ARHGEF3: variants seen among roughly 807,000 people sequenced by gnomAD.
ARHGEF3 encodes the protein 59.8 kDA protein.
A neutral mutation model predicts 63.2 loss-of-function variants in ARHGEF3; 28 were observed. The ratio of observed to expected loss-of-function variants is 0.44; its 90% CI spans 0.33 to 0.61. ARHGEF3 has a LOEUF of 0.61. Among genes scored for constraint, ARHGEF3 ranks in the 20% least tolerant of loss-of-function variants. The probability of loss-of-function intolerance (pLI) is 0.03; values close to 1 mark genes in which losing one functional copy is unlikely to be tolerated. For missense variants in ARHGEF3, 533 were observed against 659.3 expected (o/e 0.81, Z 2.10); for synonymous variants, 266 against 254.2 (o/e 1.05, Z -0.44).
intron 4 of ARHGEF3, among the ~76,000 whole-genome samples, chr3:56,837,179 T>C (rs1361671594): frequency 6.6e-6 from 1 of 152,098 alleles, no homozygotes; most frequent in Admixed American, 6.5e-5. Flanking sequence ...TTTGCAAAGA[T>C]TGGTGCTGAT....
At chr3:57,004,993 T>G (rs1702414171) in intron 2 of ARHGEF3, among the ~76,000 whole-genome samples, 1 of 151,222 alleles carries the variant, frequency 6.6e-6, no homozygotes, top group Non-Finnish European at 1.5e-5. Context: ...TATATATAGC[T>G]CTGTAATCCC....
chr3:56,973,039 T>C (rs7637467), intron 2 of ARHGEF3, among the ~76,000 whole-genome samples: 53,200 of 148,074 alleles, frequency 0.36, 10,537 homozygotes, highest in Middle Eastern at 0.52. Context: ...TTTTTTGAGA[T>C]GGAGTCTCGC....
chr3:57,057,777 G>GT (rs879662169), intron 1 of ARHGEF3, among the ~76,000 whole-genome samples: 2 of 152,108 alleles, frequency 1.3e-5, no homozygotes, highest in Non-Finnish European at 2.9e-5. Flanking sequence ...TCCAGCCATC[G>GT]TATCACTTGA....
intron 4 of ARHGEF3, among the ~76,000 whole-genome samples, chr3:56,881,358 A>T (rs9830890): frequency 0.044 from 6,730 of 152,214 alleles, 511 homozygotes; most frequent in African/African-American, 0.15. Flanking sequence ...CACAGAACAC[A>T]GTGGTTAAAC....
rs974403928 is a variant in ARHGEF3 at position 57,072,869 on chromosome 3, A to G, written c.-28+6357T>C. On this transcript the variant is annotated intron_variant, in intron 1 of 12. Coordinates refer to the ARHGEF3 transcript ENST00000338458. ...AGACCAGCCTGGCCAAGATGGTGAA[A>G]CCCCATCTCTACTAAAAAATACAAA... is the stretch of plus-strand genomic sequence containing the variant. Among the ~76,000 whole-genome samples, 6 of 152,092 alleles carry G rather than the reference A, an allele frequency of 3.9e-5. No individual in the cohort carries two copies. In the East Asian group the frequency reaches 1.2e-3, roughly 29 times the overall value.
intron 2 of ARHGEF3, among the ~76,000 whole-genome samples, chr3:56,994,319 C>A (rs1176947460): frequency 6.6e-6 from 1 of 152,076 alleles, no homozygotes; most frequent in Non-Finnish European, 1.5e-5. Flanking sequence ...TACTAAAAGG[C>A]TGCCAGGTGC....
At chr3:56,818,903 G>C (rs2038366449) in intron 4 of ARHGEF3, among the ~76,000 whole-genome samples, 1 of 152,172 alleles carries the variant, frequency 6.6e-6, no homozygotes, top group Non-Finnish European at 1.5e-5. Context: ...AATAAAGAGA[G>C]AGGAAAGAAG....
chr3:57,067,026 C>T (rs1410105402), intron 1 of ARHGEF3, among the ~76,000 whole-genome samples: 1 of 152,192 alleles, frequency 6.6e-6, no homozygotes, highest in East Asian at 1.9e-4. Context: ...AACCCTAATA[C>T]ACACCCAAAA....
intron 3 of ARHGEF3, among the ~76,000 whole-genome samples, chr3:56,956,448 GCAAA>G (rs1416120799): frequency 6.6e-6 from 1 of 152,096 alleles, no homozygotes; most frequent in African/African-American, 2.4e-5. Flanking sequence ...CAAGGATGGG[GCAAA>G]CAGAGGGTCA....
intron 2 of ARHGEF3, among the ~76,000 whole-genome samples, chr3:56,968,199 TATATAAAA>T (rs1700711754): frequency 4.2e-5 from 1 of 23,956 alleles, no homozygotes; most frequent in Non-Finnish European, 9.3e-5. Context: ...TTATATATAA[TATATAAAA>T]ATATATATTA....
chr3:56,829,709 C>T (rs1314696454), intron 4 of ARHGEF3, among the ~76,000 whole-genome samples: 1 of 150,036 alleles, frequency 6.7e-6, no homozygotes, highest in Non-Finnish European at 1.5e-5. Context: ...GATTTAAAAT[C>T]CTGAAGCTAA....
intron 3 of ARHGEF3, among the ~76,000 whole-genome samples, chr3:56,888,925 CA>C (rs1560023907): frequency 4.0e-5 from 6 of 149,366 alleles, no homozygotes; most frequent in South Asian, 2.1e-4. Flanking sequence ...AAAACAAAAA[CA>C]AAAAACAAAA....
intron 2 of ARHGEF3, among the ~76,000 whole-genome samples, chr3:56,972,900 C>T (rs888477082): frequency 4.0e-5 from 6 of 151,638 alleles, no homozygotes; most frequent in South Asian, 4.2e-4. Context: ...GGTGGCGAGA[C>T]GGGGGCAGGG....
chr3:56,812,303 TGAA>T (rs2038095353), intron 4 of ARHGEF3, among the ~76,000 whole-genome samples: 1 of 152,196 alleles, frequency 6.6e-6, no homozygotes, highest in Admixed American at 6.5e-5. Context: ...TTTAGCTTCT[TGAA>T]GAGTCCAAAC....
intron 2 of ARHGEF3, among the ~76,000 whole-genome samples, chr3:56,996,484 T>C (rs181770117): frequency 1.1e-3 from 164 of 152,254 alleles, no homozygotes; most frequent in African/African-American, 3.8e-3. Context: ...ATGGGATTAG[T>C]GCATTAATAA....
chr3:56,776,214 A>G (rs1006386959), intron 1 of ARHGEF3, among the ~76,000 whole-genome samples: 6 of 152,212 alleles, frequency 3.9e-5, no homozygotes, highest in African/African-American at 1.4e-4. Flanking sequence ...CCAGTCGGAC[A>G]GGCATTTTCT....
intron 2 of ARHGEF3, among the ~76,000 whole-genome samples, chr3:56,973,034 T>G (rs79231011): frequency 1.3e-5 from 2 of 149,780 alleles, no homozygotes; most frequent in African/African-American, 5.0e-5. Context: ...TTTTTTTTTT[T>G]GAGATGGAGT....
intron 6 of ARHGEF3, 51 bp downstream of exon 6, chr3:56,751,005 C>T (rs1175187957): frequency 7.4e-7 from 1 of 1,347,624 alleles, no homozygotes; most frequent in Non-Finnish European, 1.0e-6. Context: ...ATGAAACTCC[C>T]ATCTATATTA....
At chr3:57,013,470 A>G (rs1334966492) in intron 2 of ARHGEF3, among the ~76,000 whole-genome samples, 1 of 152,138 alleles carries the variant, frequency 6.6e-6, no homozygotes, top group Non-Finnish European at 1.5e-5. Flanking sequence ...GGTGACTTGG[A>G]GAACTTTTAT....
Sources: gnomAD v4.1 joint callset for allele counts (sites outside exome capture counted in the v4.1 genomes callset) on GRCh38, gnomAD v4.1.1 for gene constraint, MANE v1.5 for transcripts, NCBI Gene and HGNC (gene_info 2026-07-23, HGNC 2026-07-21) for gene names.